SHISA5: variants seen among roughly 807,000 people sequenced by gnomAD.
SHISA5 encodes the protein shisa family member 5.
Under a neutral mutation model 27.5 loss-of-function variants are expected in SHISA5, and 21 were observed. That is an observed-to-expected ratio of 0.76 (90% confidence interval 0.54 to 1.10). The LOEUF (loss-of-function observed/expected upper bound fraction) is 1.10. Among genes scored for constraint, SHISA5 ranks in the 50% least tolerant of loss-of-function variants. The pLI is 0.00. For missense variants in SHISA5, 314 were observed against 336.3 expected, an observed-to-expected ratio of 0.93 and a Z score of 0.52; for synonymous variants, 137 against 142.2, an observed-to-expected ratio of 0.96 and a Z score of 0.26.
At chr3:48,483,329 G>A (rs2041084779) in intron 2 of SHISA5, among the ~76,000 whole-genome samples, 1 of 151,978 alleles carries the variant, frequency 6.6e-6, no homozygotes, top group Non-Finnish European at 1.5e-5. Flanking sequence ...GTTTAACAAA[G>A]CACATCTTGC....
At position 48,470,448 on chromosome 3, in the gene SHISA5, G is replaced by A. The variant is rs1262965773; in HGVS notation, c.315-605C>T. 6.6e-6 allele frequency among the ~76,000 whole-genome samples: 1 copy of A among 152,188 alleles called. No homozygotes were observed. The highest frequency in any genetic ancestry group is 1.5e-5 in the Non-Finnish European group (1 of 68,026). ...TAAGGACAGTTGCCTCTGCCTGCAA[G>A]CTTGCTGTATGCCAAGCACCGTGCC... is the stretch of plus-strand genomic sequence containing the variant. On this transcript the variant is annotated intron_variant, in intron 3 of 5. Transcript: ENST00000296444. This position sits in a 1 kb window ranked among gnomAD's most constrained non-coding sequence, Gnocchi z 4.3.
chr3:48,489,367 G>A (rs553789850), intron 2 of SHISA5, among the ~76,000 whole-genome samples: 3 of 152,030 alleles, frequency 2.0e-5, no homozygotes, highest in South Asian at 2.1e-4. Context: ...TGTCACCCAA[G>A]CTGGAGTGCA....
rs1465590785 is a variant in SHISA5 at position 48,493,294 on chromosome 3, A to G, written c.233+7843T>C. Among the ~76,000 whole-genome samples, 3 of 145,654 alleles carry G rather than the reference A, an allele frequency of 2.1e-5. 1 individual carries two copies. The highest frequency in any genetic ancestry group is 3.0e-5 in the Non-Finnish European group (2 of 67,610). ...AATAAACAAAAATTAGCCATGCACC[A>G]TGGCGCATGCCTGTAATCCCAGCTG... On this transcript the variant is annotated intron_variant, in intron 2 of 5. Transcript: ENST00000296444.
At chr3:48,491,576 C>A (rs2041427617) in intron 2 of SHISA5, among the ~76,000 whole-genome samples, 1 of 152,130 alleles carries the variant, frequency 6.6e-6, no homozygotes, top group East Asian at 1.9e-4. Flanking sequence ...CAGAATAAAT[C>A]TCTTCAAATA....
At chr3:48,491,545 G>A (rs1346798465) in intron 2 of SHISA5, among the ~76,000 whole-genome samples, 1 of 152,180 alleles carries the variant, frequency 6.6e-6, no homozygotes, top group African/African-American at 2.4e-5. Context: ...TTTCACGGGC[G>A]ATGGTCACTC....
rs2040699010 is a variant in SHISA5, at chr3:48,473,088, T to A, written c.315-3245A>T. ...CCTCTTCCCATCGTGGGCCACTCAG[T>A]TTCAATTTCCTCCCCTTTTGGAGAA... On this transcript the variant is annotated intron_variant, in intron 3 of 5. Transcript: ENST00000296444. The surrounding 1 kb of genome is among the most constrained non-coding windows in gnomAD (Gnocchi z 4.3). 1.3e-6 allele frequency: 2 copies of A among 1,498,246 alleles called. No individual in the cohort carries two copies. Among genetic ancestry groups the A allele is most frequent in the Non-Finnish European group, 1.8e-6 (2 of 1,130,160 alleles). The allele number at this position is 1,498,246 out of a possible 1,614,324, so 92.8% of individuals were successfully genotyped here. A position where few individuals can be genotyped will look rare whatever the true frequency, so the allele number is the denominator to read the frequency against.
At chr3:48,496,715 A>T (rs2041564024) in intron 2 of SHISA5, among the ~76,000 whole-genome samples, 1 of 151,748 alleles carries the variant, frequency 6.6e-6, no homozygotes, top group Non-Finnish European at 1.5e-5. Flanking sequence ...ATCTGGGGAC[A>T]AGAGCTAGAC....
intron 2 of SHISA5, among the ~76,000 whole-genome samples, chr3:48,483,760 C>T (rs1190891008): frequency 2.0e-5 from 3 of 147,478 alleles, no homozygotes; most frequent in Admixed American, 6.7e-5. Flanking sequence ...GCTGGCCGGG[C>T]GGGGGGCTGA....
At chr3:48,479,039 TG>T in intron 3 of SHISA5, 137 bp downstream of exon 3, 1 of 724,730 alleles carries the variant, frequency 1.4e-6, no homozygotes, top group Non-Finnish European at 2.3e-6. Flanking sequence ...AGTGTCCTAG[TG>T]GTCAGATATG....
At position 48,504,101 on chromosome 3, in the gene SHISA5, G is replaced by GCGGGGGGA; in HGVS notation, c.-8_-7insTCCCCCCG. ...CGGGGACCGGCGCAGTCATGGCTGG[G>GCGGGGGGA]CGGGCGGACGGGCGGACGGACGCGA... On this transcript the variant is annotated 5_prime_UTR_variant, in exon 1 of 6. Coordinates refer to ENST00000296444, the MANE Select transcript of SHISA5 (RefSeq NM_016479.6). The surrounding 1 kb of genome is among the most constrained non-coding windows in gnomAD (Gnocchi z 4.0). 7.7e-7 allele frequency: 1 copy of GCGGGGGGA among 1,294,324 alleles called. No homozygotes were observed. The highest frequency in any genetic ancestry group is 9.9e-7 in the Non-Finnish European group (1 of 1,005,750). 80.2% of individuals were successfully genotyped at this position (1,294,324 alleles called of 1,614,324 possible).
At position 48,468,843 on chromosome 3, in the gene SHISA5, T is replaced by A. The variant is rs1286763437; in HGVS notation, c.*264A>T. 3.3e-6 allele frequency: 5 copies of A among 1,502,634 alleles called. No individual in the cohort carries two copies. In the Admixed American group the frequency reaches 1.0e-4, roughly 30 times the overall value. 93.1% of individuals were successfully genotyped at this position (1,502,634 alleles called of 1,614,324 possible). ...CCCCCCACCACCCCATTCTTTGAGT[T>A]TGGCTTGAGATTTTAGGAAGCATAA... On this transcript the variant is annotated 3_prime_UTR_variant, in exon 6 of 6. Coordinates refer to ENST00000296444, the MANE Select transcript of SHISA5 (RefSeq NM_016479.6).
chr3:48,474,758 GA>G, intron 3 of SHISA5, among the ~76,000 whole-genome samples: 1 of 152,200 alleles, frequency 6.6e-6, no homozygotes, highest in South Asian at 2.1e-4. Flanking sequence ...TTTCAGCTTT[GA>G]AAGCACCATG....
Position 48,468,125 on chromosome 3 carries a change from G to T in SHISA5, c.*982C>A. ...CAGGAGTTGTTGCATATTCCATGAGGCTGGTGTCGGGAAGCAGGGACTCAC... is the reference window on the plus strand; with the variant it reads ...CAGGAGTTGTTGCATATTCCATGAGTCTGGTGTCGGGAAGCAGGGACTCAC... On this transcript the variant is annotated 3_prime_UTR_variant, in exon 6 of 6. Coordinates refer to ENST00000296444, the MANE Select transcript of SHISA5 (RefSeq NM_016479.6). 4 of 994,076 alleles carry T rather than the reference G, an allele frequency of 4.0e-6. No individual in the cohort carries two copies. The highest frequency in any genetic ancestry group is 4.8e-6 in the Non-Finnish European group (4 of 831,700). 61.6% of individuals were successfully genotyped at this position (994,076 alleles called of 1,614,324 possible).
At chr3:48,486,158 T>G (rs2041212699) in intron 2 of SHISA5, among the ~76,000 whole-genome samples, 1 of 143,496 alleles carries the variant, frequency 7.0e-6, no homozygotes, top group African/African-American at 2.6e-5. Context: ...CAATCAAAAA[T>G]TTTCAGAAAC....
chr3:48,487,130 G>GCACACACACA (rs34974602), intron 2 of SHISA5, among the ~76,000 whole-genome samples: 5 of 148,222 alleles, frequency 3.4e-5, no homozygotes, highest in African/African-American at 7.4e-5. Context: ...ACACGCACAC[G>GCACACACACA]CACACACACA....
chr3:48,468,116 T>G lies in SHISA5; in HGVS notation c.*991A>C, dbSNP rs73076330. On this transcript the variant is annotated 3_prime_UTR_variant, in exon 6 of 6. Coordinates refer to ENST00000296444, the MANE Select transcript of SHISA5 (RefSeq NM_016479.6). ...ACTGGGGTACAGGAGTTGTTGCATA[T>G]TCCATGAGGCTGGTGTCGGGAAGCA... 0.035 allele frequency: 34,440 copies of G among 991,858 alleles called. 710 individuals are homozygous for G. Among genetic ancestry groups the G allele is most frequent in the Non-Finnish European group, 0.039 (31,960 of 829,134 alleles). 61.4% of individuals were successfully genotyped at this position (991,858 alleles called of 1,614,324 possible). A position where few individuals can be genotyped will look rare whatever the true frequency, so the allele number is the denominator to read the frequency against.
intron 3 of SHISA5, among the ~76,000 whole-genome samples, chr3:48,471,679 G>A (rs139303075): frequency 1.6e-4 from 25 of 151,916 alleles, no homozygotes; most frequent in African/African-American, 5.6e-4. Flanking sequence ...TTGGGAGGCC[G>A]AGGCAGGTGG....
At chr3:48,503,264 C>A in intron 1 of SHISA5, 2 of 1,006,948 alleles carry the variant, frequency 2.0e-6, no homozygotes, top group Non-Finnish European at 2.7e-6. Context: ...CCAGACCTCA[C>A]TGAATCAGTG....
chr3:48,483,278 G>T (rs1054195847), intron 2 of SHISA5, among the ~76,000 whole-genome samples: 6 of 152,004 alleles, frequency 3.9e-5, no homozygotes, highest in Admixed American at 6.6e-5. Flanking sequence ...AGATTAGGGA[G>T]TGGTGATGAC....
Sources: gnomAD v4.1 joint callset for allele counts (sites outside exome capture counted in the v4.1 genomes callset) on GRCh38, gnomAD v4.1.1 for gene constraint, Gnocchi (gnomAD v3.1) non-coding constraint, MANE v1.5 for transcripts, NCBI Gene and HGNC (gene_info 2026-07-23, HGNC 2026-07-21) for gene names.